The following GMFB variants were observed in gnomAD, a reference collection of about 807,000 sequenced individuals.
GMFB encodes GMF-beta.
GMFB carries 13 observed loss-of-function variants against 25.6 expected under a neutral mutation model. That is an observed-to-expected ratio of 0.51 (90% confidence interval 0.33 to 0.81). The LOEUF is 0.81. Among genes scored for constraint, GMFB ranks in the 30% least tolerant of loss-of-function variants. The pLI is 0.02. For synonymous variants in GMFB, 57 were observed against 56.9 expected (o/e 1.00, Z 0.00); for missense variants, 146 against 175.4 (o/e 0.83, Z 0.95).
At chr14:54,481,646 G>A (rs982539473) in intron 3 of GMFB, among the ~76,000 whole-genome samples, 188 bp from the exon 4 acceptor site, 2 of 152,104 alleles carry the variant, frequency 1.3e-5, no homozygotes, top group South Asian at 2.1e-4. Context: ...GCCTCCTTCT[G>A]CCCACTTGGT....
chr14:54,482,675 T>C (rs759781287), intron 2 of GMFB, among the ~76,000 whole-genome samples: 1 of 152,274 alleles, frequency 6.6e-6, no homozygotes, highest in African/African-American at 2.4e-5. Context: ...TCTAAGAAAG[T>C]GAATAACCAA....
intron 1 of GMFB, among the ~76,000 whole-genome samples, chr14:54,488,305 A>T (rs148621469): frequency 3.1e-3 from 477 of 152,364 alleles, no homozygotes; most frequent in African/African-American, 0.01. Context: ...CAACAAAACT[A>T]AAGTTATTGA....
In GMFB at chr14:54,480,898, A is replaced by C. The variant is rs2031702257; in HGVS notation, c.259T>G (p.Cys87Gly). 1 of 1,524,778 alleles carries C rather than the reference A, an allele frequency of 6.6e-7. No individual in the cohort carries two copies. The highest frequency in any genetic ancestry group is 1.4e-5 in the African/African-American group (1 of 72,066). 94.5% of individuals were successfully genotyped at this position (1,524,778 alleles called of 1,614,324 possible). The stretch of plus-strand genomic sequence containing the variant: ...CCAACAGGACTGGAGAAAATAAAGC[A>C]CAGAGGATATGAAACTCTTCCATCA... ...HDDGRVSYPL[C>G]FIFSSPVGCK... is the part of the protein sequence containing the mutation. The change falls in exon 5 of 7, where the codon TGC becomes GGC. Residue 87 changes from cysteine (C) to glycine (G), a missense_variant. Cys to Gly is a radical substitution (Grantham distance 159). Transcript: ENST00000358056.
chr14:54,478,029 G>T lies in GMFB; in HGVS notation c.*59C>A. The T allele has an allele frequency of 2.8e-6, 2 of 714,630 alleles. No individual in the cohort carries two copies. The highest frequency in any genetic ancestry group is 4.6e-6 in the Non-Finnish European group (2 of 433,896). The allele number at this position is 714,630 out of a possible 1,614,324, so 44.3% of individuals were successfully genotyped here. On this transcript the variant is annotated 3_prime_UTR_variant, in exon 7 of 7. Coordinates refer to ENST00000358056, the MANE Select transcript of GMFB (RefSeq NM_004124.3). Reference sequence around the variant, plus strand: ...TTTTTAGGCATAAATAAGTATTTATGTCTGATTCCAGTATGGTCAGGTTAA... The same window carrying T: ...TTTTTAGGCATAAATAAGTATTTATTTCTGATTCCAGTATGGTCAGGTTAA...
In GMFB at chr14:54,476,387, T is replaced by C. The variant is rs1219817751; in HGVS notation, c.*1701A>G. The C allele has an allele frequency of 1.3e-5, 2 of 152,094 alleles. No homozygotes were observed. Among genetic ancestry groups the C allele is most frequent in the African/African-American group, 4.8e-5 (2 of 41,454 alleles). The allele number at this position is 152,094 out of a possible 1,614,324, so 9.4% of individuals were successfully genotyped here. Reference sequence around the variant, plus strand: ...TCATTCAAAAACATTAAAAACACTCTCCACTCACTTGGATTACATGTGCAT... The same window carrying C: ...TCATTCAAAAACATTAAAAACACTCCCCACTCACTTGGATTACATGTGCAT... On this transcript the variant is annotated 3_prime_UTR_variant, in exon 7 of 7. Transcript: ENST00000358056.
chr14:54,485,299 CTATT>C (rs1030627388), intron 1 of GMFB, among the ~76,000 whole-genome samples: 1 of 151,050 alleles, frequency 6.6e-6, no homozygotes, highest in Non-Finnish European at 1.5e-5. Context: ...AAAAAAAAAA[CTATT>C]AGAACTGATA....
chr14:54,486,352 T>C (rs558731720), intron 1 of GMFB, among the ~76,000 whole-genome samples: 25 of 152,316 alleles, frequency 1.6e-4, no homozygotes, highest in Non-Finnish European at 2.6e-4. Flanking sequence ...TCTGAAACTA[T>C]ACAACCACTA....
Position 54,478,204 on chromosome 14 carries a change from A to G in GMFB, c.358-45T>C, listed in dbSNP as rs767898009. The G allele has an allele frequency of 4.1e-5, 27 of 657,524 alleles. No individual in the cohort carries two copies. In the African/African-American group the frequency reaches 4.3e-4, roughly 11 times the overall value. 40.7% of individuals were successfully genotyped at this position (657,524 alleles called of 1,614,324 possible). ...TTGGGTCATACTTTGACACTCCAAAAAAAAAGTCAAATATTTGAATTTTTT... is the reference window on the plus strand; with the variant it reads ...TTGGGTCATACTTTGACACTCCAAAGAAAAAGTCAAATATTTGAATTTTTT... On this transcript the variant is annotated intron_variant, in intron 6 of 6. Transcript: ENST00000358056.
In GMFB at chr14:54,476,327, T is replaced by G. The variant is rs910665269; in HGVS notation, c.*1761A>C. ...TTCTTGCAGCACTAGTTTCTCTTAC[T>G]GCTGCAAAACAGGTGAAACAAAACC... On this transcript the variant is annotated 3_prime_UTR_variant, in exon 7 of 7. Coordinates refer to ENST00000358056, the MANE Select transcript of GMFB (RefSeq NM_004124.3). 6.6e-6 allele frequency: 1 copy of G among 152,078 alleles called. No homozygotes were observed. The highest frequency in any genetic ancestry group is 2.4e-5 in the African/African-American group (1 of 41,452). The allele number at this position is 152,078 out of a possible 1,614,324, so 9.4% of individuals were successfully genotyped here.
At chr14:54,481,372 A>G in intron 4 of GMFB, 37 bp downstream of exon 4, 1 of 1,421,534 alleles carries the variant, frequency 7.0e-7, no homozygotes, top group South Asian at 1.1e-5. Flanking sequence ...TGACCACTAA[A>G]GAAAATAAAT....
chr14:54,480,731 C>T, intron 5 of GMFB, 143 bp downstream of exon 5: 1 of 564,020 alleles, frequency 1.8e-6, no homozygotes, highest in South Asian at 2.4e-5. Context: ...CACACAGGCA[C>T]ATGGACACAC....
rs761978360 is a variant in GMFB at position 54,483,779 on chromosome 14, A to G, written c.4-12T>C. On this transcript the variant is annotated splice_polypyrimidine_tract_variant and intron_variant, in intron 1 of 6. Coordinates refer to ENST00000358056, the MANE Select transcript of GMFB (RefSeq NM_004124.3). ...ACCAAAGACTCACTCTATAAAAGAA[A>G]AAAAACACACATAAAATGCCATGAC... The G allele has an allele frequency of 2.0e-6, 3 of 1,465,432 alleles. No individual in the cohort carries two copies. The highest frequency in any genetic ancestry group is 1.2e-5 in the South Asian group (1 of 86,468). 90.8% of individuals were successfully genotyped at this position (1,465,432 alleles called of 1,614,324 possible).
chr14:54,480,847 ATG>A (rs1566497075), intron 5 of GMFB, 25 bp downstream of exon 5: 1 of 1,140,730 alleles, frequency 8.8e-7, no homozygotes, highest in South Asian at 1.3e-5. Flanking sequence ...TAAGCCAAAT[ATG>A]TGTTATTTAA....
At chr14:54,485,631 T>C (rs1379680405) in intron 1 of GMFB, among the ~76,000 whole-genome samples, 1 of 152,028 alleles carries the variant, frequency 6.6e-6, no homozygotes, top group Non-Finnish European at 1.5e-5. Context: ...CCCATCAAAA[T>C]ACCAATGACA....
chr14:54,476,352 C>T lies in GMFB; in HGVS notation c.*1736G>A, dbSNP rs2031640260. The T allele has an allele frequency of 6.6e-6, 1 of 151,990 alleles. No homozygotes were observed. Among genetic ancestry groups the T allele is most frequent in the African/African-American group, 2.4e-5 (1 of 41,430 alleles). The allele number at this position is 151,990 out of a possible 1,614,324, so 9.4% of individuals were successfully genotyped here. ...TGCTGCAAAACAGGTGAAACAAAAC[C>T]TCATTTCCTTCATTCAAAAACATTA... is the stretch of plus-strand genomic sequence containing the variant. On this transcript the variant is annotated 3_prime_UTR_variant, in exon 7 of 7. Transcript: ENST00000358056.
chr14:54,480,927 T>G lies in GMFB; in HGVS notation c.230A>C (p.His77Pro). 2 of 1,531,290 alleles carry G rather than the reference T, an allele frequency of 1.3e-6. No individual in the cohort carries two copies. Among genetic ancestry groups the G allele is most frequent in the Non-Finnish European group, 1.8e-6 (2 of 1,112,444 alleles). 94.9% of individuals were successfully genotyped at this position (1,531,290 alleles called of 1,614,324 possible). The change falls in exon 5 of 7, where the codon CAT (histidine) becomes CCT (proline). Residue 77 changes from histidine (H) to proline (P), a missense_variant. Coordinates refer to ENST00000358056, the MANE Select transcript of GMFB (RefSeq NM_004124.3). ...RFIVYSYKYQ[H>P]DDGRVSYPLC... The stretch of plus-strand genomic sequence containing the variant: ...AGGATATGAAACTCTTCCATCATCA[T>G]GTTGATATTTATAACTATACACAAT...
In GMFB at chr14:54,475,908, T is replaced by C. The variant is rs1345010644; in HGVS notation, c.*2180A>G. On this transcript the variant is annotated 3_prime_UTR_variant, in exon 7 of 7. Transcript: ENST00000358056. ...AAATCTGGAGTTATTATTTGGGAAA[T>C]GGCAGAAAAAAAGACAGTAAATACG... 2.0e-5 allele frequency: 3 copies of C among 151,910 alleles called. No homozygotes were observed. 9.4% of individuals were successfully genotyped at this position (151,910 alleles called of 1,614,324 possible). A position where few individuals can be genotyped will look rare whatever the true frequency, so the allele number is the denominator to read the frequency against.
intron 1 of GMFB, chr14:54,484,019 T>C (rs1416050299): frequency 7.0e-6 from 4 of 574,800 alleles, no homozygotes; most frequent in South Asian, 6.3e-5. Context: ...CTAATGAATG[T>C]CTCAAAAACC....
intron 1 of GMFB, 82 bp downstream of exon 1, chr14:54,488,843 G>A: frequency 1.1e-5 from 14 of 1,248,908 alleles, no homozygotes; most frequent in Non-Finnish European, 1.5e-5. Context: ...GCTGCCCGCC[G>A]CCGCCGGCTC....
Sources: allele counts gnomAD v4.1 joint callset (sites outside exome capture counted in the v4.1 genomes callset), GRCh38; gene constraint gnomAD v4.1.1; transcripts MANE v1.5; gene names NCBI Gene and HGNC (gene_info 2026-07-23, HGNC 2026-07-21).